TDRD5: variants seen among roughly 807,000 people sequenced by gnomAD.
The protein encoded by TDRD5 is tudor domain-containing protein 5.
Under a neutral mutation model 120.6 loss-of-function variants are expected in TDRD5, and 41 were observed. That is an observed-to-expected ratio of 0.34 (90% CI 0.26 to 0.44). The LOEUF is 0.44. TDRD5 is among the 20% of genes least tolerant of loss of function. The pLI, the probability that TDRD5 is intolerant of heterozygous loss-of-function variation, is 1.00. For synonymous variants in TDRD5, 430 were observed against 433.7 expected, an observed-to-expected ratio of 0.99 and a Z score of 0.11; for missense variants, 1,006 against 1,221.2, an observed-to-expected ratio of 0.82 and a Z score of 2.63.
At chr1:179,660,354 G>C (rs1679245600) in intron 14 of TDRD5, among the ~76,000 whole-genome samples, 1 of 150,902 alleles carries the variant, frequency 6.6e-6, no homozygotes, top group Non-Finnish European at 1.5e-5. Flanking sequence ...CGAGTAGCTG[G>C]GACTCCAGGC....
intron 17 of TDRD5, among the ~76,000 whole-genome samples, chr1:179,689,738 A>G (rs75955629): frequency 6.6e-6 from 1 of 152,140 alleles, no homozygotes. Flanking sequence ...TTACCTACTC[A>G]AACCTCAGCA....
intron 17 of TDRD5, 68 bp from the exon 18 acceptor site, chr1:179,690,628 A>T: frequency 6.4e-7 from 1 of 1,556,736 alleles, no homozygotes; most frequent in Non-Finnish European, 8.7e-7. Flanking sequence ...TAGAACTAGA[A>T]TGGGGGAGAG....
intron 17 of TDRD5, among the ~76,000 whole-genome samples, chr1:179,676,416 G>GT (rs879244907): frequency 7.9e-5 from 12 of 151,984 alleles, no homozygotes; most frequent in East Asian, 1.9e-4. Flanking sequence ...TGAATACCTT[G>GT]TTTTTTTCAT....
intron 11 of TDRD5, 48 bp from the exon 12 acceptor site, chr1:179,650,819 T>C (rs1400557582): frequency 1.3e-6 from 2 of 1,581,730 alleles, no homozygotes; most frequent in African/African-American, 2.7e-5. Flanking sequence ...TTATTATAAT[T>C]CATGTTTAGA....
intron 4 of TDRD5, among the ~76,000 whole-genome samples, chr1:179,614,394 C>G (rs1410593): frequency 6.6e-6 from 1 of 151,936 alleles, no homozygotes; most frequent in Admixed American, 6.6e-5. Flanking sequence ...GACTTGTAGC[C>G]TAAGTTGGGC....
rs548840868 is a variant in TDRD5, at chr1:179,672,972, G to A, written c.2860+3568G>A. Among the ~76,000 whole-genome samples, 12 of 152,022 alleles carry A rather than the reference G, an allele frequency of 7.9e-5. No homozygotes were observed. The East Asian group carries it at 1.2e-3, about 15-fold the overall frequency. ...TGGTCTATGTGCCTATCTTTATGCC[G>A]GTACCATGCTGTTTTGGTAACTATG... is the stretch of plus-strand genomic sequence containing the variant. On this transcript the variant is annotated intron_variant, in intron 17 of 17. Coordinates refer to ENST00000444136, the MANE Select transcript of TDRD5 (RefSeq NM_001199085.3).
chr1:179,680,702 G>A lies in TDRD5; in HGVS notation c.2861-9994G>A, dbSNP rs143571239. Among the ~76,000 whole-genome samples, 497 of 152,190 alleles carry A rather than the reference G, an allele frequency of 3.3e-3. 1 individual carries two copies. Among genetic ancestry groups the A allele is most frequent in the African/African-American group, 0.011 (469 of 41,538 alleles). ...TTCTTGGCTAGGTGCTGTGGCTCAC[G>A]CCTGTAATCCCAGCATTTTGAGAGA... is the stretch of plus-strand genomic sequence containing the variant. On this transcript the variant is annotated intron_variant, in intron 17 of 17. Coordinates refer to ENST00000444136, the MANE Select transcript of TDRD5 (RefSeq NM_001199085.3).
At chr1:179,666,110 T>G (rs1679542262) in intron 16 of TDRD5, among the ~76,000 whole-genome samples, 1 of 152,190 alleles carries the variant, frequency 6.6e-6, no homozygotes. Flanking sequence ...AAGTACTACA[T>G]ATGCAGGATT....
chr1:179,645,993 T>A (rs1239845142), intron 11 of TDRD5, among the ~76,000 whole-genome samples: 1 of 152,198 alleles, frequency 6.6e-6, no homozygotes, highest in Non-Finnish European at 1.5e-5. Context: ...TATATAGTTG[T>A]ATTTTTTTAA....
At chr1:179,664,670 T>C (rs1313459573) in intron 16 of TDRD5, among the ~76,000 whole-genome samples, 1 of 152,194 alleles carries the variant, frequency 6.6e-6, no homozygotes, top group African/African-American at 2.4e-5. Context: ...AATATTCCCT[T>C]CTATGATATA....
chr1:179,637,303 C>T (rs1677813495), intron 9 of TDRD5, among the ~76,000 whole-genome samples: 2 of 152,154 alleles, frequency 1.3e-5, no homozygotes, highest in Non-Finnish European at 2.9e-5. Context: ...TTTAAAAGCA[C>T]ACTCACTGGC....
intron 4 of TDRD5, among the ~76,000 whole-genome samples, chr1:179,616,113 A>C (rs1434854190): frequency 6.6e-6 from 1 of 152,154 alleles, no homozygotes. Flanking sequence ...TGGGAAGCAC[A>C]AAAAGAGGCC....
chr1:179,652,222 T>TATA, intron 13 of TDRD5, 25 bp downstream of exon 13: 1 of 1,573,894 alleles, frequency 6.4e-7, no homozygotes, highest in Non-Finnish European at 8.6e-7. Context: ...CAAATACTAT[T>TATA]ATAATTCTTT....
intron 14 of TDRD5, among the ~76,000 whole-genome samples, chr1:179,656,657 A>G (rs1679021670): frequency 6.6e-6 from 1 of 152,160 alleles, no homozygotes; most frequent in African/African-American, 2.4e-5. Context: ...CTGTAAGTCT[A>G]TTTCTAGACT....
chr1:179,655,360 A>G (rs1447862768), intron 14 of TDRD5, among the ~76,000 whole-genome samples: 1 of 152,190 alleles, frequency 6.6e-6, no homozygotes, highest in Non-Finnish European at 1.5e-5. Flanking sequence ...GACTATGTAA[A>G]TGCTCTTCAC....
intron 17 of TDRD5, among the ~76,000 whole-genome samples, chr1:179,688,460 C>T (rs997545845): frequency 6.6e-6 from 1 of 152,194 alleles, no homozygotes; most frequent in Non-Finnish European, 1.5e-5. Flanking sequence ...TGACCTTTCT[C>T]TCTGGCTGCG....
At chr1:179,648,115 A>G (rs1359357513) in intron 11 of TDRD5, among the ~76,000 whole-genome samples, 2 of 150,166 alleles carry the variant, frequency 1.3e-5, no homozygotes, top group Non-Finnish European at 3.0e-5. Flanking sequence ...CCAAAGGACT[A>G]TAAATCATGC....
intron 4 of TDRD5, among the ~76,000 whole-genome samples, chr1:179,612,691 T>C (rs907568938): frequency 6.6e-6 from 1 of 151,984 alleles, no homozygotes; most frequent in Non-Finnish European, 1.5e-5. Flanking sequence ...TCCTAGCACT[T>C]TGGGAGGCGG....
chr1:179,627,322 T>G (rs968594101), intron 6 of TDRD5, among the ~76,000 whole-genome samples: 9 of 152,114 alleles, frequency 5.9e-5, no homozygotes, highest in African/African-American at 2.2e-4. Flanking sequence ...GTGAATACCA[T>G]TTATACAACT....
Sources: gnomAD v4.1 joint callset for allele counts (sites outside exome capture counted in the v4.1 genomes callset) on GRCh38, gnomAD v4.1.1 for gene constraint, MANE v1.5 for transcripts, NCBI Gene and HGNC (gene_info 2026-07-23, HGNC 2026-07-21) for gene names.